The following DLEU7 variants were observed in gnomAD, a reference collection of about 807,000 sequenced individuals.
DLEU7 encodes leukemia-associated protein 7.
DLEU7 carries 17 observed loss-of-function variants against 16.0 expected under a neutral mutation model. The observed-to-expected ratio is 1.06, with a 90% CI of 0.73 to 1.59. The LOEUF (loss-of-function observed/expected upper bound fraction) is 1.59, where lower values mean the gene tolerates loss of function less well. Ranked by LOEUF, DLEU7 falls within the 40% of genes most tolerant of loss-of-function variation. The pLI, the probability that DLEU7 is intolerant of heterozygous loss-of-function variation, is 0.00. For synonymous variants in DLEU7, 113 were observed against 139.8 expected (o/e 0.81, Z 1.35); for missense variants, 308 against 314.9 (o/e 0.98, Z 0.17).
At chr13:50,782,318 T>C (rs1875672930) in intron 1 of DLEU7, among the ~76,000 whole-genome samples, 1 of 152,204 alleles carries the variant, frequency 6.6e-6, no homozygotes, top group African/African-American at 2.4e-5. Flanking sequence ...GACATGTGCA[T>C]ATGTTGTGTC....
In DLEU7 at chr13:50,843,326, G is replaced by A. The variant is rs1307873003; in HGVS notation, c.321C>T (p.Arg107=). ...CCATCTGGGCCAGGGTGCAGGGCCC[G>A]CGGTCCCGGGGGAAGGGCAGCAACT... The part of the protein sequence containing the change: ...GAELLPFPRD[R]GPCTLAQMAM... Residue 107 remains arginine (R), a synonymous_variant, in exon 1 of 2, where the codon CGC becomes CGT. Transcript: ENST00000504404. The surrounding 1 kb of genome is among the most constrained non-coding windows in gnomAD (Gnocchi z 5.7). The A allele has an allele frequency of 6.7e-7, 1 of 1,498,774 alleles. No individual in the cohort carries two copies. The highest frequency in any genetic ancestry group is 8.9e-7 in the Non-Finnish European group (1 of 1,124,508). 92.8% of individuals were successfully genotyped at this position (1,498,774 alleles called of 1,614,324 possible).
chr13:50,806,299 T>G (rs969898330), intron 1 of DLEU7, among the ~76,000 whole-genome samples: 2 of 152,164 alleles, frequency 1.3e-5, no homozygotes, highest in African/African-American at 4.8e-5. Flanking sequence ...TCAGATAATA[T>G]TCCAAGAAAT....
chr13:50,825,942 G>GT (rs1446850486), intron 1 of DLEU7, among the ~76,000 whole-genome samples: 50 of 152,184 alleles, frequency 3.3e-4, no homozygotes, highest in African/African-American at 1.2e-3. Flanking sequence ...CATGTGCCAT[G>GT]TTGGTGTGCT....
chr13:50,830,628 C>G (rs1303954450), intron 1 of DLEU7, among the ~76,000 whole-genome samples: 1 of 152,208 alleles, frequency 6.6e-6, no homozygotes, highest in African/African-American at 2.4e-5. Flanking sequence ...TTTGGACACA[C>G]TAGAGAAATT....
chr13:50,795,051 G>C (rs551026617), intron 1 of DLEU7, among the ~76,000 whole-genome samples: 1,459 of 4,034 alleles, frequency 0.36, 31 homozygotes, highest in African/African-American at 0.44. Context: ...GATGGGGTTG[G>C]CTTCAAAAAC....
intron 1 of DLEU7, among the ~76,000 whole-genome samples, chr13:50,750,028 G>GT (rs1378085528): frequency 1.3e-5 from 2 of 152,104 alleles, no homozygotes; most frequent in African/African-American, 4.8e-5. Flanking sequence ...GTCTAAAAGG[G>GT]TTTTTTCAGT....
intron 1 of DLEU7, among the ~76,000 whole-genome samples, chr13:50,791,042 G>A (rs1254898565): frequency 6.6e-6 from 1 of 152,104 alleles, no homozygotes; most frequent in East Asian, 1.9e-4. Context: ...GTGGGCGAGG[G>A]AGGGAGGGAG....
At chr13:50,819,207 G>A (rs1417360943), downstream of DLEU7, among the ~76,000 whole-genome samples, 1 of 152,134 alleles carries the variant, frequency 6.6e-6, no homozygotes, top group Non-Finnish European at 1.5e-5. Flanking sequence ...GGAGGCTTTG[G>A]AGCAGAGACC....
chr13:50,758,025 ATTT>A (rs5803530), intron 1 of DLEU7, among the ~76,000 whole-genome samples: 31,029 of 87,098 alleles, frequency 0.36, 3,521 homozygotes, highest in African/African-American at 0.39. Context: ...CATTACCAAG[ATTT>A]TTTTTTTTTT....
At chr13:50,794,587 G>A (rs1876057463) in intron 1 of DLEU7, among the ~76,000 whole-genome samples, 1 of 152,120 alleles carries the variant, frequency 6.6e-6, no homozygotes, top group Non-Finnish European at 1.5e-5. Context: ...GAGAATCATG[G>A]CTGACTTGCT....
At chr13:50,764,241 G>A (rs778916258) in intron 1 of DLEU7, among the ~76,000 whole-genome samples, 20 of 152,288 alleles carry the variant, frequency 1.3e-4, no homozygotes, top group Middle Eastern at 6.8e-3. Context: ...CACATTACAA[G>A]TTGCATCATA....
In DLEU7 at chr13:50,843,562, C is replaced by G; in HGVS notation, c.85G>C (p.Gly29Arg). 2 of 1,488,726 alleles carry G rather than the reference C, an allele frequency of 1.3e-6. No homozygotes were observed. The highest frequency in any genetic ancestry group is 1.8e-6 in the Non-Finnish European group (2 of 1,127,526). The allele number at this position is 1,488,726 out of a possible 1,614,324, so 92.2% of individuals were successfully genotyped here. A position where few individuals can be genotyped will look rare whatever the true frequency, so the allele number is the denominator to read the frequency against. ...GGGGCGACTGGACCGTCCCCCCAGCCCCACTCCTGCTGCAGCAGCTGCAAG... is the reference window on the plus strand; with the variant it reads ...GGGGCGACTGGACCGTCCCCCCAGCGCCACTCCTGCTGCAGCAGCTGCAAG... ...QTLQLLQQEWGWGDGPVAPGN... is the reference protein window; with the variant it reads ...QTLQLLQQEWRWGDGPVAPGN... The change falls in exon 1 of 2, where the codon GGC (glycine) becomes CGC (arginine). Residue 29 changes from glycine to arginine, a missense_variant. By Grantham distance (125) the Gly-to-Arg change is moderately radical. Transcript: ENST00000504404. The surrounding 1 kb of genome is among the most constrained non-coding windows in gnomAD (Gnocchi z 5.7).
intron 1 of DLEU7, among the ~76,000 whole-genome samples, chr13:50,798,743 T>C (rs1306209450): frequency 6.6e-6 from 1 of 152,216 alleles, no homozygotes; most frequent in Non-Finnish European, 1.5e-5. Context: ...ACAATTCCGC[T>C]GGTCACTCCC....
chr13:50,793,746 T>C (rs1178465006), intron 1 of DLEU7, among the ~76,000 whole-genome samples: 1 of 152,244 alleles, frequency 6.6e-6, no homozygotes, highest in Non-Finnish European at 1.5e-5. Flanking sequence ...AGATTCTGGA[T>C]AATAGGCCTT....
At chr13:50,813,319 C>T (rs1163402612) in intron 1 of DLEU7, among the ~76,000 whole-genome samples, 1 of 152,054 alleles carries the variant, frequency 6.6e-6, no homozygotes, top group Non-Finnish European at 1.5e-5. Context: ...AATATATATA[C>T]ACTTAGATAA....
chr13:50,837,151 T>C (rs150273949), intron 1 of DLEU7, among the ~76,000 whole-genome samples: 28 of 152,314 alleles, frequency 1.8e-4, no homozygotes, highest in African/African-American at 5.5e-4. Context: ...TTTTTACTTG[T>C]GGTGTACCTA....
intron 1 of DLEU7, among the ~76,000 whole-genome samples, chr13:50,792,439 T>C (rs907140839): frequency 1.3e-5 from 2 of 152,174 alleles, no homozygotes; most frequent in African/African-American, 4.8e-5. Flanking sequence ...AACTTCCCTT[T>C]AGCTATTCCC....
intron 1 of DLEU7, among the ~76,000 whole-genome samples, chr13:50,768,061 T>C (rs9596346): frequency 0.016 from 2,488 of 152,348 alleles, 70 homozygotes; most frequent in African/African-American, 0.056. Flanking sequence ...TTACCACTTT[T>C]AATGTTTATC....
At chr13:50,754,266 G>A (rs1874682148) in intron 1 of DLEU7, among the ~76,000 whole-genome samples, 1 of 152,198 alleles carries the variant, frequency 6.6e-6, no homozygotes, top group Non-Finnish European at 1.5e-5. Context: ...GCTATCAGTG[G>A]AGTATTGAAG....
Sources: gnomAD v4.1 joint callset for allele counts (sites outside exome capture counted in the v4.1 genomes callset) on GRCh38, gnomAD v4.1.1 for gene constraint, Gnocchi (gnomAD v3.1) non-coding constraint, MANE v1.5 for transcripts, NCBI Gene and HGNC (gene_info 2026-07-23, HGNC 2026-07-21) for gene names.